The following ARFGEF2 variants were observed in gnomAD, a reference collection of about 807,000 sequenced individuals.
ARFGEF2 encodes brefeldin A-inhibited guanine nucleotide-exchange protein 2.
ARFGEF2 carries 74 observed loss-of-function variants against 219.9 expected under a neutral mutation model. The observed-to-expected ratio is 0.34, with a 90% CI of 0.28 to 0.41. The LOEUF (loss-of-function observed/expected upper bound fraction) is 0.41. ARFGEF2 is among the 10% of genes least tolerant of loss of function. The probability of loss-of-function intolerance (pLI) is 1.00; values close to 1 mark genes in which losing one functional copy is unlikely to be tolerated. For missense variants in ARFGEF2, 1,743 were observed against 2,218.3 expected (o/e 0.79, Z 4.30); for synonymous variants, 733 against 799.2 (o/e 0.92, Z 1.40).
chr20:48,973,984 C>T (rs2091244716), intron 12 of ARFGEF2, among the ~76,000 whole-genome samples: 1 of 151,834 alleles, frequency 6.6e-6, no homozygotes, highest in East Asian at 1.9e-4. Flanking sequence ...AAAGGGTGAG[C>T]CTTAAAATTG....
rs752691054 is a variant in ARFGEF2, at chr20:49,018,968, G to T, written c.4594G>T (p.Asp1532Tyr). ...ACAGAGCCAGCTCTCTAACCCAACA[G>T]ATGACAGCTGGAAGGGTAGACCATA... ...RGQSQLSNPT[D>Y]DSWKGRPYAN... Residue 1532 changes from aspartate to tyrosine, a missense_variant, in exon 34 of 39, where the codon GAT becomes TAT. Around this residue, in one of 5 missense-constraint regions of ARFGEF2, gnomAD observed 578 missense variants for 664.0 expected, o/e 0.87. Coordinates refer to ENST00000371917, the MANE Select transcript of ARFGEF2 (RefSeq NM_006420.3). The T allele has an allele frequency of 6.2e-7, 1 of 1,613,992 alleles. No individual in the cohort carries two copies. Among genetic ancestry groups the T allele is most frequent in the Non-Finnish European group, 8.5e-7 (1 of 1,179,896 alleles).
At chr20:48,926,378 T>G (rs753373719) in intron 1 of ARFGEF2, among the ~76,000 whole-genome samples, 10 of 152,224 alleles carry the variant, frequency 6.6e-5, no homozygotes, top group Admixed American at 1.3e-4. Context: ...TAGGTTTACT[T>G]TAATTAGGGG....
At chr20:48,955,927 G>C (rs2091102755) in intron 6 of ARFGEF2, among the ~76,000 whole-genome samples, 1 of 151,988 alleles carries the variant, frequency 6.6e-6, no homozygotes, top group Admixed American at 6.6e-5. Flanking sequence ...AACAAAACAA[G>C]ACCCCCTCTC....
intron 3 of ARFGEF2, 45 bp downstream of exon 3, chr20:48,942,032 C>T: frequency 6.2e-7 from 1 of 1,612,384 alleles, no homozygotes; most frequent in Admixed American, 1.7e-5. Context: ...TCTCTCCAAG[C>T]CACAGTTGGT....
At chr20:49,001,093 G>T (rs955271447) in intron 25 of ARFGEF2, among the ~76,000 whole-genome samples, 1 of 116,264 alleles carries the variant, frequency 8.6e-6, no homozygotes, top group African/African-American at 3.3e-5. Flanking sequence ...ACAGAGTTTC[G>T]CACTGTTGCC....
At chr20:49,017,166 A>C (rs1421050987) in intron 31 of ARFGEF2, 83 bp from the exon 32 acceptor site, 2 of 1,423,982 alleles carry the variant, frequency 1.4e-6, no homozygotes, top group African/African-American at 1.4e-5. Flanking sequence ...GCTGTCTCCA[A>C]CTCACAATAT....
chr20:49,011,859 G>C, intron 27 of ARFGEF2, 65 bp from the exon 28 acceptor site: 1 of 1,548,142 alleles, frequency 6.5e-7, no homozygotes, highest in East Asian at 2.2e-5. Flanking sequence ...GTGCACGCAC[G>C]TGCATTTTTT....
In ARFGEF2 at chr20:49,010,482, C is replaced by T. The variant is rs2091491495; in HGVS notation, c.3757+78C>T. 3 of 1,540,974 alleles carry T rather than the reference C, an allele frequency of 1.9e-6. No individual in the cohort carries two copies. In the African/African-American group the frequency reaches 4.1e-5, roughly 21 times the overall value. ...GTGTCACTTGCTGTCTATTTTACTA[C>T]CTACAGGGGCTTCCCTACCTTGGCT... On this transcript the variant is annotated intron_variant, in intron 27 of 38. Transcript: ENST00000371917.
At chr20:48,945,068 GA>G (rs1261060119) in intron 3 of ARFGEF2, among the ~76,000 whole-genome samples, 2 of 152,170 alleles carry the variant, frequency 1.3e-5, no homozygotes, top group African/African-American at 2.4e-5. Flanking sequence ...GTGTCATGGA[GA>G]GAGAGCTAGG....
At chr20:49,029,689 T>G (rs1018137251) in intron 37 of ARFGEF2, among the ~76,000 whole-genome samples, 10 of 151,904 alleles carry the variant, frequency 6.6e-5, no homozygotes, top group Non-Finnish European at 1.3e-4. Flanking sequence ...CTTCCTGGGT[T>G]CAACCAATTC....
chr20:48,929,378 G>A (rs1401084221), intron 1 of ARFGEF2, among the ~76,000 whole-genome samples: 1 of 152,214 alleles, frequency 6.6e-6, no homozygotes, highest in African/African-American at 2.4e-5. Context: ...TCTGAATATA[G>A]CCCTTTTGCC....
chr20:48,971,527 G>A (rs554882121), intron 10 of ARFGEF2, among the ~76,000 whole-genome samples, 173 bp downstream of exon 10: 1 of 152,228 alleles, frequency 6.6e-6, no homozygotes, highest in Non-Finnish European at 1.5e-5. Context: ...GGGCAGGGAG[G>A]GTAAATGGCA....
rs140877243 is a variant in ARFGEF2 at position 49,027,797 on chromosome 20, A to G, written c.4925-733A>G. Among the ~76,000 whole-genome samples, 93 of 152,298 alleles carry G rather than the reference A, an allele frequency of 6.1e-4. 1 individual carries two copies. The highest frequency in any genetic ancestry group is 2.2e-3 in the African/African-American group (92 of 41,558). On this transcript the variant is annotated intron_variant, in intron 36 of 38. Transcript: ENST00000371917. ...CTTCTGGGGAGTCGTAACTGCCTTC[A>G]TCTGGTATCACAAACGATCTGTATT... is the stretch of plus-strand genomic sequence containing the variant.
At chr20:48,973,123 T>C in intron 11 of ARFGEF2, 22 bp from the exon 12 acceptor site, 1 of 1,613,962 alleles carries the variant, frequency 6.2e-7, no homozygotes, top group Non-Finnish European at 8.5e-7. Flanking sequence ...GAATTTCTGA[T>C]ACTTGTATGT....
Position 48,963,846 on chromosome 20 carries a change from C to T in ARFGEF2, c.855C>T (p.Ala285=). The part of the protein sequence containing the change: ...GSSLSGTDDG[A]QEVVKDILED... ...TGTGTGTAGGGACTGATGACGGAGC[C>T]CAGGAGGTGGTGAAGGACATCTTGG... The change falls in exon 7 of 39, where the codon GCC becomes GCT. Residue 285 remains alanine, a synonymous_variant. Coordinates refer to ENST00000371917, the MANE Select transcript of ARFGEF2 (RefSeq NM_006420.3). 1.2e-6 allele frequency: 2 copies of T among 1,613,806 alleles called. No homozygotes were observed. Among genetic ancestry groups the T allele is most frequent in the South Asian group, 1.1e-5 (1 of 91,054 alleles).
chr20:48,989,864 AGATACG>A (rs1316639138), intron 20 of ARFGEF2, among the ~76,000 whole-genome samples, 180 bp downstream of exon 20: 1 of 152,200 alleles, frequency 6.6e-6, no homozygotes, highest in Non-Finnish European at 1.5e-5. Flanking sequence ...GCAAAAATGG[AGATACG>A]GATTAAAACT....
intron 12 of ARFGEF2, among the ~76,000 whole-genome samples, chr20:48,974,386 A>T (rs536717361): frequency 6.6e-6 from 1 of 152,296 alleles, no homozygotes; most frequent in South Asian, 2.1e-4. Flanking sequence ...TGCTGGGATT[A>T]CAGGCGTGAG....
chr20:48,980,851 C>T (rs2091291391), intron 14 of ARFGEF2, among the ~76,000 whole-genome samples: 1 of 152,154 alleles, frequency 6.6e-6, no homozygotes, highest in African/African-American at 2.4e-5. Flanking sequence ...CTTCCTCCAT[C>T]CCTATATTTT....
intron 26 of ARFGEF2, among the ~76,000 whole-genome samples, chr20:49,009,423 C>T (rs533140817): frequency 1.3e-5 from 2 of 151,162 alleles, no homozygotes; most frequent in Non-Finnish European, 2.9e-5. Context: ...GCATTCCAGC[C>T]TGGGCAACAG....
Sources: gnomAD v4.1 joint callset for allele counts (sites outside exome capture counted in the v4.1 genomes callset) on GRCh38, gnomAD v4.1.1 for gene constraint, gnomAD v4.1.1 regional missense constraint, MANE v1.5 for transcripts, NCBI Gene and HGNC (gene_info 2026-07-23, HGNC 2026-07-21) for gene names.